Variants in RORA observed in about 807,000 individuals in gnomAD.
RORA encodes RAR related orphan receptor A.
In RORA, 7 loss-of-function variants were observed where a neutral mutation model predicts 69.5. The ratio of observed to expected loss-of-function variants is 0.10; its 90% CI spans 0.06 to 0.19. The LOEUF is 0.19. Ranked by LOEUF, RORA falls within the 10% of genes least tolerant of loss-of-function variation. The probability of loss-of-function intolerance (pLI) is 1.00; values close to 1 mark genes in which losing one functional copy is unlikely to be tolerated. For missense variants in RORA, 457 were observed against 663.0 expected, an observed-to-expected ratio of 0.69 and a Z score of 3.41; for synonymous variants, 261 against 240.8, an observed-to-expected ratio of 1.08 and a Z score of -0.78.
At chr15:60,584,501 T>C (rs1309571618) in intron 2 of RORA, among the ~76,000 whole-genome samples, 7 of 152,212 alleles carry the variant, frequency 4.6e-5, no homozygotes, top group Admixed American at 4.6e-4. Flanking sequence ...CAGCCTTCTC[T>C]GACTAAGTGT....
At chr15:61,151,122 A>G (rs563870725) in intron 1 of RORA, among the ~76,000 whole-genome samples, 4 of 152,130 alleles carry the variant, frequency 2.6e-5, no homozygotes, top group Non-Finnish European at 4.4e-5. Flanking sequence ...TCTATGCCCA[A>G]TGTAGCCTTA....
intron 1 of RORA, among the ~76,000 whole-genome samples, chr15:60,908,719 G>C (rs1371216059): frequency 2.0e-5 from 3 of 152,026 alleles, no homozygotes; most frequent in African/African-American, 7.3e-5. Flanking sequence ...CACTGCCCCA[G>C]TAATGCAGGC....
At chr15:60,899,543 C>G (rs1891326366) in intron 1 of RORA, among the ~76,000 whole-genome samples, 1 of 152,168 alleles carries the variant, frequency 6.6e-6, no homozygotes, top group South Asian at 2.1e-4. Context: ...AGTTTTTAGC[C>G]ACACTTCTTT....
At chr15:60,910,026 G>A (rs182403983) in intron 1 of RORA, among the ~76,000 whole-genome samples, 22 of 152,284 alleles carry the variant, frequency 1.4e-4, no homozygotes, top group Non-Finnish European at 1.6e-4. Context: ...TAATTGAGTT[G>A]CAAAGGGGAA....
chr15:61,033,495 C>T (rs1278388066), intron 1 of RORA, among the ~76,000 whole-genome samples: 1 of 152,030 alleles, frequency 6.6e-6, no homozygotes, highest in East Asian at 1.9e-4. Context: ...CCAAATCCAT[C>T]ACCAACCAAG....
chr15:60,642,107 C>A (rs776116990), intron 2 of RORA, among the ~76,000 whole-genome samples: 3 of 152,160 alleles, frequency 2.0e-5, no homozygotes, highest in South Asian at 4.1e-4. Context: ...ATAGTATGTC[C>A]TTTAGCTCAG....
chr15:60,839,173 C>T (rs1420487322), intron 1 of RORA, among the ~76,000 whole-genome samples: 4 of 152,172 alleles, frequency 2.6e-5, no homozygotes, highest in Non-Finnish European at 4.4e-5. Flanking sequence ...GCTGCGATTA[C>T]AGGCGTGAGC....
At chr15:60,820,161 A>T (rs1344294349) in intron 1 of RORA, among the ~76,000 whole-genome samples, 1 of 152,270 alleles carries the variant, frequency 6.6e-6, no homozygotes, top group East Asian at 1.9e-4. Flanking sequence ...GCAAGTCAGG[A>T]CGCTGCACTC....
At chr15:60,852,813 G>A (rs753762503) in intron 1 of RORA, among the ~76,000 whole-genome samples, 4 of 152,026 alleles carry the variant, frequency 2.6e-5, no homozygotes, top group Admixed American at 2.0e-4. Flanking sequence ...GGTTCCTCTC[G>A]GATGACAAGA....
Position 60,863,705 on chromosome 15 carries a change from T to A in RORA, c.167-185019A>T, listed in dbSNP as rs192067528. Reference sequence around the variant, plus strand: ...CAGTTAAACTGTTTAGTAGACTGTTTCGCAGAGCTTCAAACTCAGTCAATA... The same window carrying A: ...CAGTTAAACTGTTTAGTAGACTGTTACGCAGAGCTTCAAACTCAGTCAATA... On this transcript the variant is annotated intron_variant, in intron 1 of 10. Coordinates refer to ENST00000335670, the MANE Select transcript of RORA (RefSeq NM_134261.3). Among the ~76,000 whole-genome samples the A allele has an allele frequency of 4.0e-3, 607 of 152,348 alleles. 8 individuals carry two copies. Among genetic ancestry groups the A allele is most frequent in the African/African-American group, 0.014 (586 of 41,572 alleles).
intron 1 of RORA, among the ~76,000 whole-genome samples, chr15:61,010,288 C>T (rs2140393258): frequency 6.6e-6 from 1 of 152,286 alleles, no homozygotes; most frequent in East Asian, 1.9e-4. Context: ...CTAATACTAT[C>T]ATACAGAGGT....
rs199842433 is a variant in RORA at position 60,816,123 on chromosome 15, T to C, written c.167-137437A>G. Among the ~76,000 whole-genome samples the C allele has an allele frequency of 2.3e-5, 3 of 127,812 alleles. 1 individual carries two copies. Among genetic ancestry groups the C allele is most frequent in the African/African-American group, 6.0e-5 (2 of 33,124 alleles). The allele number at this position is 127,812 out of a possible 152,430, so 83.8% of individuals were successfully genotyped here. A position where few individuals can be genotyped will look rare whatever the true frequency, so the allele number is the denominator to read the frequency against. On this transcript the variant is annotated intron_variant, in intron 1 of 10. Coordinates refer to ENST00000335670, the MANE Select transcript of RORA (RefSeq NM_134261.3). ...ATATGTATTTATATACTGTAAACAG[T>C]ATATGTATTTATATACTGTAAACAG...
intron 1 of RORA, among the ~76,000 whole-genome samples, chr15:60,963,690 A>G (rs955885262): frequency 6.6e-6 from 1 of 152,236 alleles, no homozygotes; most frequent in Non-Finnish European, 1.5e-5. Context: ...TGTTGATGAA[A>G]GTGTTCTACT....
chr15:60,815,865 T>C (rs920904374), intron 1 of RORA, among the ~76,000 whole-genome samples: 13 of 148,132 alleles, frequency 8.8e-5, no homozygotes, highest in Non-Finnish European at 1.6e-4. Context: ...CTATAAACTA[T>C]ATAAACTATA....
At chr15:60,664,721 G>T (rs1435071645) in intron 2 of RORA, among the ~76,000 whole-genome samples, 1 of 152,086 alleles carries the variant, frequency 6.6e-6, no homozygotes, top group Non-Finnish European at 1.5e-5. Flanking sequence ...GATAGAATTG[G>T]TTAGGTCATC....
At chr15:61,013,150 A>G (rs1895144730) in intron 1 of RORA, among the ~76,000 whole-genome samples, 1 of 152,208 alleles carries the variant, frequency 6.6e-6, no homozygotes, top group Non-Finnish European at 1.5e-5. Flanking sequence ...AGGATAAGTC[A>G]CTTTACTTTT....
chr15:60,987,930 G>A (rs1210099741), intron 1 of RORA, among the ~76,000 whole-genome samples: 2 of 152,158 alleles, frequency 1.3e-5, no homozygotes, highest in Non-Finnish European at 2.9e-5. Flanking sequence ...ACACAGAAGG[G>A]GCTCAAGTGC....
chr15:61,183,789 C>A (rs760604371), intron 1 of RORA, among the ~76,000 whole-genome samples: 3 of 152,150 alleles, frequency 2.0e-5, no homozygotes, highest in Non-Finnish European at 2.9e-5. Flanking sequence ...CTGTGTTTTT[C>A]CACAAAGCAA....
intron 2 of RORA, among the ~76,000 whole-genome samples, chr15:60,658,871 G>A (rs146839145): frequency 1.5e-3 from 233 of 152,300 alleles, no homozygotes; most frequent in South Asian, 3.5e-3. Flanking sequence ...CACTGTTTCT[G>A]TAGTGCCTTT....
Sources: allele counts gnomAD v4.1 joint callset (sites outside exome capture counted in the v4.1 genomes callset), GRCh38; gene constraint gnomAD v4.1.1; transcripts MANE v1.5; gene names NCBI Gene and HGNC (gene_info 2026-07-23, HGNC 2026-07-21).